The following SBNO1 variants were observed in gnomAD, a reference collection of about 807,000 sequenced individuals.
SBNO1 encodes the protein strawberry notch homolog 1, also known as protein strawberry notch homolog 1.
SBNO1 carries 23 observed loss-of-function variants against 173.6 expected under a neutral mutation model. The observed-to-expected ratio is 0.13, with a 90% CI of 0.10 to 0.19. The LOEUF is 0.19. SBNO1 is among the 10% of genes least tolerant of loss of function. SBNO1 has a pLI of 1.00. For synonymous variants in SBNO1, 632 were observed against 571.5 expected (o/e 1.11, Z -1.51); for missense variants, 1,238 against 1,671.2 (o/e 0.74, Z 4.52).
chr12:123,301,198 TG>T (rs1566021233), intron 30 of SBNO1, among the ~76,000 whole-genome samples: 3 of 151,984 alleles, frequency 2.0e-5, no homozygotes, highest in African/African-American at 4.8e-5. Flanking sequence ...AGTAGAGACG[TG>T]GTTTCACCAT....
chr12:123,331,567 G>T (rs375165443), intron 7 of SBNO1, among the ~76,000 whole-genome samples, 192 bp from the exon 8 acceptor site: 13 of 152,064 alleles, frequency 8.5e-5, no homozygotes, highest in African/African-American at 3.1e-4. Context: ...TGTCGCCCAG[G>T]TTGGAGTGCA....
At chr12:123,355,651 C>A (rs571668416) in intron 1 of SBNO1, among the ~76,000 whole-genome samples, 1 of 151,940 alleles carries the variant, frequency 6.6e-6, no homozygotes, top group East Asian at 1.9e-4. Flanking sequence ...GGTGCAGTGA[C>A]ATGCACCTGT....
chr12:123,355,083 C>T (rs1211880461), intron 1 of SBNO1, among the ~76,000 whole-genome samples: 4 of 151,834 alleles, frequency 2.6e-5, no homozygotes, highest in Non-Finnish European at 4.4e-5. Flanking sequence ...TGCAGTGGCG[C>T]GATCTCAGCT....
At chr12:123,320,301 G>A in intron 19 of SBNO1, 131 bp downstream of exon 19, 1 of 920,666 alleles carries the variant, frequency 1.1e-6, no homozygotes, top group South Asian at 1.7e-5. Flanking sequence ...GATGTAGGAT[G>A]GCAACTAAAG....
At chr12:123,321,436 T>C (rs994461734) in intron 17 of SBNO1, 99 bp downstream of exon 17, 7 of 848,894 alleles carry the variant, frequency 8.2e-6, no homozygotes, top group African/African-American at 1.7e-5. Flanking sequence ...ATAATCTGTG[T>C]GATCATTTGT....
chr12:123,336,362 G>T, intron 6 of SBNO1, 33 bp downstream of exon 6: 1 of 1,264,614 alleles, frequency 7.9e-7, no homozygotes, highest in Non-Finnish European at 1.1e-6. Context: ...GGAAAACTTT[G>T]ATGTAAATAT....
rs2049008158 is a variant in SBNO1 at position 123,309,699 on chromosome 12, T to C, written c.3442+11A>G. On this transcript the variant is annotated intron_variant, in intron 26 of 31. Coordinates refer to ENST00000602398, the MANE Select transcript of SBNO1 (RefSeq NM_001167856.3). Reference sequence around the variant, plus strand: ...TGGGGACATTGTGGGGGGGAAATTTTCCCTACTTACCTAAGATTCCCATAT... The same window carrying C: ...TGGGGACATTGTGGGGGGGAAATTTCCCCTACTTACCTAAGATTCCCATAT... 1 of 1,610,580 alleles carries C rather than the reference T, an allele frequency of 6.2e-7. No individual in the cohort carries two copies. Among genetic ancestry groups the C allele is most frequent in the Non-Finnish European group, 8.5e-7 (1 of 1,178,580 alleles).
chr12:123,320,429 T>C lies in SBNO1; in HGVS notation c.2667+3A>G. 1 of 1,611,294 alleles carries C rather than the reference T, an allele frequency of 6.2e-7. No homozygotes were observed. Among genetic ancestry groups the C allele is most frequent in the Non-Finnish European group, 8.5e-7 (1 of 1,178,722 alleles). The stretch of plus-strand genomic sequence containing the variant: ...TGTCACCAAGAGATACAGGCCTATT[T>C]ACCTCAGCAACGTTCTCAGGGCCAC... On this transcript the variant is annotated splice_donor_region_variant and intron_variant, in intron 19 of 31. Coordinates refer to ENST00000602398, the MANE Select transcript of SBNO1 (RefSeq NM_001167856.3).
chr12:123,320,093 C>G (rs984296935), intron 19 of SBNO1, 62 bp from the exon 20 acceptor site: 2 of 1,574,050 alleles, frequency 1.3e-6, no homozygotes, highest in Non-Finnish European at 1.7e-6. Flanking sequence ...GGACTCAGTG[C>G]CTCTTTCCTT....
At chr12:123,361,000 C>T (rs1356221514) in intron 1 of SBNO1, among the ~76,000 whole-genome samples, 1 of 152,180 alleles carries the variant, frequency 6.6e-6, no homozygotes, top group Non-Finnish European at 1.5e-5. Flanking sequence ...AATCCCAGCA[C>T]TTTGGAAGGC....
chr12:123,313,528 A>T, intron 24 of SBNO1, 92 bp downstream of exon 24: 1 of 671,860 alleles, frequency 1.5e-6, no homozygotes, highest in Non-Finnish European at 2.5e-6. Flanking sequence ...TGTCCAAAGA[A>T]AAAAACTAAT....
intron 9 of SBNO1, 107 bp from the exon 10 acceptor site, chr12:123,329,002 G>T: frequency 1.6e-6 from 1 of 612,002 alleles, no homozygotes; most frequent in Non-Finnish European, 2.7e-6. Flanking sequence ...GCCCATGACA[G>T]GCTTCAGAAA....
At chr12:123,326,466 G>T in intron 13 of SBNO1, 132 bp from the exon 14 acceptor site, 2 of 501,986 alleles carry the variant, frequency 4.0e-6, no homozygotes, top group East Asian at 3.4e-5. Flanking sequence ...TTAGTAACTT[G>T]GGAATCTATT....
intron 1 of SBNO1, among the ~76,000 whole-genome samples, chr12:123,358,973 C>G: frequency 6.6e-6 from 1 of 151,652 alleles, no homozygotes; most frequent in Admixed American, 6.6e-5. Flanking sequence ...TGCTCTGTCA[C>G]CCAGGATGGA....
chr12:123,326,867 C>A (rs1451349080), intron 13 of SBNO1, among the ~76,000 whole-genome samples: 1 of 152,072 alleles, frequency 6.6e-6, no homozygotes, highest in African/African-American at 2.4e-5. Context: ...GTAGAGGTTG[C>A]AGTAAGCCAA....
At position 123,296,567 on chromosome 12, in the gene SBNO1, G is replaced by GT. The variant is rs1001510830; in HGVS notation, c.4040-518dup. ...CATATATATATGTGTTTTTTTTTTT[G>GT]TTTTTTTTTTCTGAGATGGAGTATT... On this transcript the variant is annotated intron_variant, in intron 31 of 31. Transcript: ENST00000602398. Among the ~76,000 whole-genome samples, 228 of 119,252 alleles carry GT rather than the reference G, an allele frequency of 1.9e-3. 2 individuals are homozygous for GT. The highest frequency in any genetic ancestry group is 3.8e-3 in the African/African-American group (140 of 36,640). The allele number at this position is 119,252 out of a possible 152,430, so 78.2% of individuals were successfully genotyped here.
chr12:123,348,989 T>TTC (rs1178459001), intron 2 of SBNO1: 4 of 150,048 alleles, frequency 2.7e-5, no homozygotes, highest in African/African-American at 9.8e-5. Context: ...TAGTCTTTTT[T>TTC]TTTTTTTTTT....
rs2048505566 is a variant in SBNO1 at position 123,291,136 on chromosome 12, G to T, written c.*4772C>A. ...TATCCTCAACAGGTTATAAACAGCA[G>T]CAGGCTACCTGTGTTCATTGCAAGT... On this transcript the variant is annotated 3_prime_UTR_variant, in exon 32 of 32. Coordinates refer to ENST00000602398, the MANE Select transcript of SBNO1 (RefSeq NM_001167856.3). The T allele has an allele frequency of 6.6e-6, 1 of 152,172 alleles. No homozygotes were observed. The highest frequency in any genetic ancestry group is 1.5e-5 in the Non-Finnish European group (1 of 68,042). The allele number at this position is 152,172 out of a possible 1,614,324, so 9.4% of individuals were successfully genotyped here.
In SBNO1 at chr12:123,326,028, T is replaced by C. The variant is rs546192875; in HGVS notation, c.1875+124A>G. ...GCATTGCTTTTATAATTTTAAGAAA[T>C]GTATTTTTTAGAAGTTTTACTATCC... On this transcript the variant is annotated intron_variant, in intron 14 of 31. Transcript: ENST00000602398. 65 of 616,272 alleles carry C rather than the reference T, an allele frequency of 1.1e-4. No homozygotes were observed. In the South Asian group the frequency reaches 1.8e-3, roughly 17 times the overall value. 38.2% of individuals were successfully genotyped at this position (616,272 alleles called of 1,614,324 possible).
Sources: allele counts gnomAD v4.1 joint callset (sites outside exome capture counted in the v4.1 genomes callset), GRCh38; gene constraint gnomAD v4.1.1; transcripts MANE v1.5; gene names NCBI Gene and HGNC (gene_info 2026-07-23, HGNC 2026-07-21).